Variants in MEGF11 observed in about 807,000 individuals in gnomAD.
MEGF11 encodes multiple EGF like domains 11.
Under a neutral mutation model 146.6 loss-of-function variants are expected in MEGF11, and 126 were observed. The ratio of observed to expected loss-of-function variants is 0.86; its 90% CI spans 0.74 to 1.00. MEGF11 has a LOEUF of 1.00. MEGF11 is among the 50% of genes least tolerant of loss of function. The pLI, the probability that MEGF11 is intolerant of heterozygous loss-of-function variation, is 0.00. For synonymous variants in MEGF11, 532 were observed against 583.4 expected (o/e 0.91, Z 1.27); for missense variants, 1,509 against 1,521.2 (o/e 0.99, Z 0.13).
intron 4 of MEGF11, among the ~76,000 whole-genome samples, chr15:66,103,280 G>A (rs768556278): frequency 1.3e-5 from 2 of 152,188 alleles, no homozygotes; most frequent in Non-Finnish European, 2.9e-5. Context: ...AAGTCTGCAG[G>A]CTACTGGCTA....
intron 5 of MEGF11, among the ~76,000 whole-genome samples, chr15:66,085,577 C>T (rs142865869): frequency 3.7e-4 from 57 of 152,336 alleles, no homozygotes; most frequent in Middle Eastern, 3.4e-3. Context: ...TGAGAGACAA[C>T]AGTCACTGCA....
rs545938349 is a variant in MEGF11, at chr15:66,182,218, G to A, written c.-8-53807C>T. ...TCTGCCAGTCCTCATACCCCTCCACGGGCCTGCTCCCCATCCTCTCACAAG... is the reference window on the plus strand; with the variant it reads ...TCTGCCAGTCCTCATACCCCTCCACAGGCCTGCTCCCCATCCTCTCACAAG... On this transcript the variant is annotated intron_variant, in intron 1 of 25. Coordinates refer to ENST00000395614, the MANE Select transcript of MEGF11 (RefSeq NM_001385028.1). 3.9e-4 allele frequency among the ~76,000 whole-genome samples: 59 copies of A among 152,204 alleles called. No homozygotes were observed. The South Asian group carries it at 5.2e-3, about 13-fold the overall frequency.
chr15:65,919,874 G>T (rs2079119970), intron 15 of MEGF11, among the ~76,000 whole-genome samples: 1 of 152,144 alleles, frequency 6.6e-6, no homozygotes, highest in Non-Finnish European at 1.5e-5. Flanking sequence ...CTCCCAAAGT[G>T]CTGGGATTAC....
rs145859602 is a variant in MEGF11, at chr15:65,909,092, G to A, written c.2940C>T (p.Pro980=). The change falls in exon 23 of 26, where the codon CCC becomes CCT. Residue 980 remains proline (P), a synonymous_variant. Coordinates refer to ENST00000395614, the MANE Select transcript of MEGF11 (RefSeq NM_001385028.1). ...GTCTAAGTTCAATGTAGAAGTCCTC[G>A]GGCGGGTACCTGGCCTCCAGGGCAC... ...QISALEARYP[P]EDFYIELRHL... is the part of the protein sequence containing the mutation. The A allele has an allele frequency of 1.1e-5, 17 of 1,535,910 alleles. No individual in the cohort carries two copies. Among genetic ancestry groups the A allele is most frequent in the South Asian group, 4.8e-5 (4 of 84,054 alleles).
rs532978683 is a variant in MEGF11, at chr15:66,108,032, C to G, written c.301+11054G>C. ...GGCTCCACACTGAGTTTTCAAGGAC[C>G]AGTATGCAAAAACTGCAAGAGCAGG... On this transcript the variant is annotated intron_variant, in intron 4 of 25. Transcript: ENST00000395614. 3.3e-5 allele frequency among the ~76,000 whole-genome samples: 5 copies of G among 152,260 alleles called. No individual in the cohort carries two copies. The South Asian group carries it at 1.0e-3, about 32-fold the overall frequency.
intron 23 of MEGF11, 102 bp from the exon 24 acceptor site, chr15:65,906,243 C>A: frequency 1.3e-6 from 1 of 797,000 alleles, no homozygotes; most frequent in East Asian, 2.8e-5. Context: ...CCCTTCTCCC[C>A]TACCCAGAAA....
intron 1 of MEGF11, among the ~76,000 whole-genome samples, chr15:66,189,509 C>A (rs1026590676): frequency 6.6e-6 from 1 of 152,128 alleles, no homozygotes. Context: ...AAGCAGTAAA[C>A]CCAGGCCTGG....
intron 1 of MEGF11, among the ~76,000 whole-genome samples, chr15:66,134,334 A>G (rs950702913): frequency 2.0e-5 from 3 of 152,184 alleles, no homozygotes; most frequent in Non-Finnish European, 2.9e-5. Flanking sequence ...CTCGAAGATG[A>G]AGGGAGAAAA....
intron 1 of MEGF11, among the ~76,000 whole-genome samples, chr15:66,224,205 G>A (rs146453798): frequency 1.6e-4 from 24 of 152,244 alleles, no homozygotes; most frequent in African/African-American, 4.6e-4. Context: ...TGGTTTTCTC[G>A]TCTGTAAACT....
Position 65,909,136 on chromosome 15 carries a change from C to T in MEGF11, c.2897-1G>A, listed in dbSNP as rs1273422003. ...AGGGCACTGATCTGGAAATGGGAGT[C>T]TAGTGAGAGGAATGACAGGGAGGAG... On this transcript the variant is annotated splice_acceptor_variant, in intron 22 of 25. Coordinates refer to ENST00000395614, the MANE Select transcript of MEGF11 (RefSeq NM_001385028.1). LOFTEE classifies it high-confidence loss of function. 1.3e-6 allele frequency: 2 copies of T among 1,527,320 alleles called. No homozygotes were observed. The highest frequency in any genetic ancestry group is 1.4e-5 in the African/African-American group (1 of 72,834). The allele number at this position is 1,527,320 out of a possible 1,614,324, so 94.6% of individuals were successfully genotyped here.
intron 23 of MEGF11, among the ~76,000 whole-genome samples, chr15:65,908,250 T>G (rs73479378): frequency 0.075 from 11,371 of 152,232 alleles, 424 homozygotes; most frequent in Middle Eastern, 0.099. Context: ...CAGCTCAGTT[T>G]CCTTAGAGTT....
intron 9 of MEGF11, among the ~76,000 whole-genome samples, chr15:65,959,052 C>T (rs1318940462): frequency 6.6e-6 from 1 of 152,332 alleles, no homozygotes; most frequent in East Asian, 1.9e-4. Context: ...ACACCTGGCT[C>T]ATATTCACTG....
At position 66,168,585 on chromosome 15, in the gene MEGF11, G is replaced by A. The variant is rs937818610; in HGVS notation, c.-8-40174C>T. On this transcript the variant is annotated intron_variant, in intron 1 of 25. Transcript: ENST00000395614. ...GGAAGCCACCAGTCCAAACTGAGATGTGCTGTTTCAAATATCTCATTAATT... is the reference window on the plus strand; with the variant it reads ...GGAAGCCACCAGTCCAAACTGAGATATGCTGTTTCAAATATCTCATTAATT... Among the ~76,000 whole-genome samples the A allele has an allele frequency of 4.6e-5, 7 of 152,214 alleles. No homozygotes were observed. In the East Asian group the frequency reaches 9.6e-4, roughly 21 times the overall value.
intron 1 of MEGF11, among the ~76,000 whole-genome samples, chr15:66,232,087 C>G (rs2091978051): frequency 6.6e-6 from 1 of 152,226 alleles, no homozygotes; most frequent in Non-Finnish European, 1.5e-5. Context: ...GAGGAGTCCA[C>G]AGGTGCTGCT....
At position 65,982,405 on chromosome 15, in the gene MEGF11, C is replaced by A. The variant is rs1567188837; in HGVS notation, c.478G>T (p.Ala160Ser). The change falls in exon 6 of 26, where the codon GCC becomes TCC. Residue 160 changes from alanine to serine, a missense_variant. Ala to Ser is a moderately conservative substitution (Grantham distance 99). Coordinates refer to ENST00000395614, the MANE Select transcript of MEGF11 (RefSeq NM_001385028.1). The surrounding 1 kb of genome is among the most constrained non-coding windows in gnomAD (Gnocchi z 5.6). ...NGALCNPITGACVCAAGFRGW... is the reference protein window; with the variant it reads ...NGALCNPITGSCVCAAGFRGW... Reference sequence around the variant, plus strand: ...CGGAAGCCGGCGGCGCACACGCAGGCGCCTGTGATGGGGTTACACAGGGCG... The same window carrying A: ...CGGAAGCCGGCGGCGCACACGCAGGAGCCTGTGATGGGGTTACACAGGGCG... The A allele has an allele frequency of 1.3e-6, 2 of 1,534,114 alleles. No homozygotes were observed. The highest frequency in any genetic ancestry group is 2.0e-5 in the Admixed American group (1 of 50,448).
Position 65,897,985 on chromosome 15 carries a change from G to T in MEGF11, c.3372C>A (p.Leu1124=). The stretch of plus-strand genomic sequence containing the variant: ...CATTGGCAGGGCTCTGTCTTACTGG[G>T]AGGAGGTCATAATGACCAGGAATAT... ...NSHIPGHYDL[L]PVRQSPANGP... The change falls in exon 26 of 26, where the codon CTC becomes CTA. Residue 1124 remains leucine (L), a synonymous_variant. Coordinates refer to ENST00000395614, the MANE Select transcript of MEGF11 (RefSeq NM_001385028.1). 1 of 1,614,030 alleles carries T rather than the reference G, an allele frequency of 6.2e-7. No individual in the cohort carries two copies. The highest frequency in any genetic ancestry group is 1.3e-5 in the African/African-American group (1 of 75,066).
At chr15:66,048,092 T>C (rs767886277) in intron 5 of MEGF11, among the ~76,000 whole-genome samples, 4 of 152,064 alleles carry the variant, frequency 2.6e-5, no homozygotes, top group Non-Finnish European at 5.9e-5. Flanking sequence ...ACTACAGGCA[T>C]GTACCACCAC....
At position 65,897,731 on chromosome 15, in the gene MEGF11, G is replaced by A. The variant is rs2078385299; in HGVS notation, c.*203C>T. On this transcript the variant is annotated 3_prime_UTR_variant, in exon 26 of 26. Transcript: ENST00000395614. ...AATCCAGGGCATTTGGGGCTGAGTG[G>A]GTGATAGGATTTGCCTTTGAGAACA... 4 of 453,802 alleles carry A rather than the reference G, an allele frequency of 8.8e-6. No individual in the cohort carries two copies. The highest frequency in any genetic ancestry group is 5.5e-4 in the Middle Eastern group (1 of 1,806). 28.1% of individuals were successfully genotyped at this position (453,802 alleles called of 1,614,324 possible).
intron 5 of MEGF11, among the ~76,000 whole-genome samples, chr15:66,050,623 G>A (rs1052709560): frequency 3.3e-5 from 5 of 152,202 alleles, no homozygotes; most frequent in African/African-American, 4.8e-5. Flanking sequence ...TCGGAGGCCT[G>A]GCATGACCTG....
Sources: allele counts gnomAD v4.1 joint callset (sites outside exome capture counted in the v4.1 genomes callset), GRCh38; gene constraint gnomAD v4.1.1; non-coding constraint Gnocchi (gnomAD v3.1); transcripts MANE v1.5; gene names NCBI Gene and HGNC (gene_info 2026-07-23, HGNC 2026-07-21).